IGFBP7: variants seen among roughly 807,000 people sequenced by gnomAD.
IGFBP7 encodes the protein insulin like growth factor binding protein 7.
In IGFBP7, 31 loss-of-function variants were observed where a neutral mutation model predicts 29.4. The observed-to-expected ratio is 1.05, with a 90% CI of 0.79 to 1.42. The LOEUF is 1.42. IGFBP7 is among the 40% of genes most tolerant of loss of function. The pLI is 0.00. For synonymous variants in IGFBP7, 172 were observed against 174.9 expected (o/e 0.98, Z 0.13); for missense variants, 393 against 395.5 (o/e 0.99, Z 0.05).
chr4:57,073,693 G>A (rs922502256), intron 1 of IGFBP7, among the ~76,000 whole-genome samples: 1 of 152,066 alleles, frequency 6.6e-6, no homozygotes, highest in South Asian at 2.1e-4. Context: ...GACTAGGAGG[G>A]GCCTCTTCAA....
intron 1 of IGFBP7, among the ~76,000 whole-genome samples, chr4:57,080,990 T>A (rs1458991975): frequency 6.6e-6 from 1 of 152,240 alleles, no homozygotes; most frequent in Non-Finnish European, 1.5e-5. Flanking sequence ...ATGTCTCCGG[T>A]GGGCTGAGGA....
intron 1 of IGFBP7, among the ~76,000 whole-genome samples, chr4:57,103,655 C>CTTTTTTT (rs1560510152): frequency 3.1e-5 from 2 of 63,706 alleles, no homozygotes; most frequent in Non-Finnish European, 5.8e-5. Flanking sequence ...TTTTTTTTTT[C>CTTTTTTT]TTTTCTTTTT....
chr4:57,073,606 A>T (rs909522488), intron 1 of IGFBP7, among the ~76,000 whole-genome samples: 1 of 137,652 alleles, frequency 7.3e-6, no homozygotes, highest in Non-Finnish European at 1.6e-5. Flanking sequence ...AAAAAAAAAA[A>T]TTAAATAAAT....
intron 1 of IGFBP7, among the ~76,000 whole-genome samples, chr4:57,076,700 A>G (rs558329440): frequency 6.6e-6 from 1 of 152,324 alleles, no homozygotes; most frequent in Non-Finnish European, 1.5e-5. Flanking sequence ...TGGGGTGGGG[A>G]CACACCTGTG....
At chr4:57,043,781 G>A (rs934653871) in intron 1 of IGFBP7, among the ~76,000 whole-genome samples, 4 of 152,182 alleles carry the variant, frequency 2.6e-5, no homozygotes, top group South Asian at 2.1e-4. Context: ...CAGTATTTAC[G>A]TTTCTGGCTC....
intron 1 of IGFBP7, among the ~76,000 whole-genome samples, chr4:57,060,158 A>G (rs1049661746): frequency 6.6e-6 from 1 of 152,206 alleles, no homozygotes; most frequent in Non-Finnish European, 1.5e-5. Flanking sequence ...TACGATAGAA[A>G]TACAAATATA....
At chr4:57,079,813 C>G (rs1725319836) in intron 1 of IGFBP7, among the ~76,000 whole-genome samples, 1 of 152,202 alleles carries the variant, frequency 6.6e-6, no homozygotes, top group African/African-American at 2.4e-5. Context: ...TTACTACTGT[C>G]CTTACCATTG....
chr4:57,073,236 A>G (rs377585592), intron 1 of IGFBP7: 3,528 of 16,658 alleles, frequency 0.21, 90 homozygotes, highest in East Asian at 0.52. Flanking sequence ...GAGCTGTGGT[A>G]TTATTATTAT....
At chr4:57,066,187 T>C (rs1393175265) in intron 1 of IGFBP7, among the ~76,000 whole-genome samples, 1 of 152,220 alleles carries the variant, frequency 6.6e-6, no homozygotes, top group Non-Finnish European at 1.5e-5. Flanking sequence ...CGCACTTGAA[T>C]AAAATACAGT....
In IGFBP7 at chr4:57,042,998, A is replaced by T. The variant is rs144481959; in HGVS notation, c.476-2065T>A. 1.4e-3 allele frequency among the ~76,000 whole-genome samples: 216 copies of T among 152,298 alleles called. 1 individual carries two copies. Among genetic ancestry groups the T allele is most frequent in the African/African-American group, 5.0e-3 (208 of 41,576 alleles). ...TTTCTGGTTTGGCTCTGAAACACAA[A>T]ACTGTGGAAGCCAACAGATACCGAG... is the stretch of plus-strand genomic sequence containing the variant. On this transcript the variant is annotated intron_variant, in intron 1 of 4. Coordinates refer to ENST00000295666, the MANE Select transcript of IGFBP7 (RefSeq NM_001553.3).
chr4:57,057,200 G>A (rs1724695032), intron 1 of IGFBP7, among the ~76,000 whole-genome samples: 1 of 152,142 alleles, frequency 6.6e-6, no homozygotes, highest in Admixed American at 6.5e-5. Context: ...TGTAGAGACA[G>A]GGTCTCCCTG....
chr4:57,031,545 T>A (rs1452708457), intron 4 of IGFBP7, among the ~76,000 whole-genome samples: 1 of 152,126 alleles, frequency 6.6e-6, no homozygotes, highest in Non-Finnish European at 1.5e-5. Context: ...TTTTGCTGTA[T>A]TGGTTGATGC....
Position 57,110,103 on chromosome 4 carries a change from C to T in IGFBP7, c.249G>A (p.Pro83=), listed in dbSNP as rs1199925214. The T allele has an allele frequency of 3.3e-6, 5 of 1,533,334 alleles. No homozygotes were observed. In the South Asian group the frequency reaches 3.6e-5, roughly 11 times the overall value. The allele number at this position is 1,533,334 out of a possible 1,614,324, so 95.0% of individuals were successfully genotyped here. ...GGGAGRGYCA[P]GMECVKSRKR... is the part of the protein sequence containing the mutation. The stretch of plus-strand genomic sequence containing the variant: ...TGCGGCTCTTCACGCACTCCATGCC[C>T]GGCGCGCAGTACCCCCTGCCGGCGC... The change falls in exon 1 of 5, where the codon CCG becomes CCA. Residue 83 remains proline, a synonymous_variant. Transcript: ENST00000295666.
rs552712312 is a variant in IGFBP7, at chr4:57,098,628, C to T, written c.475+11249G>A. ...AAGCCCTGGCCTGTCAAATATCTGG[C>T]AGCGTCTTGATCTCTGCCCCAGCCT... On this transcript the variant is annotated intron_variant, in intron 1 of 4. Coordinates refer to ENST00000295666, the MANE Select transcript of IGFBP7 (RefSeq NM_001553.3). 2.6e-5 allele frequency among the ~76,000 whole-genome samples: 4 copies of T among 152,350 alleles called. No individual in the cohort carries two copies. In the East Asian group the frequency reaches 7.7e-4, roughly 29 times the overall value.
intron 1 of IGFBP7, among the ~76,000 whole-genome samples, chr4:57,052,284 G>A (rs534694155): frequency 6.6e-6 from 1 of 152,292 alleles, no homozygotes; most frequent in East Asian, 1.9e-4. Flanking sequence ...AGCCTCAAAG[G>A]TTCCAGGAGG....
At chr4:57,075,095 T>C (rs1725188992) in intron 1 of IGFBP7, among the ~76,000 whole-genome samples, 2 of 152,236 alleles carry the variant, frequency 1.3e-5, no homozygotes, top group African/African-American at 4.8e-5. Context: ...AGGAATTTGA[T>C]AGTTTGCAAA....
At chr4:57,089,835 G>C (rs1220655430) in intron 1 of IGFBP7, among the ~76,000 whole-genome samples, 2 of 152,188 alleles carry the variant, frequency 1.3e-5, no homozygotes, top group Admixed American at 1.3e-4. Context: ...GATATAATGG[G>C]ACATGTGGCT....
intron 1 of IGFBP7, among the ~76,000 whole-genome samples, chr4:57,043,669 G>A (rs1179883234): frequency 1.3e-5 from 2 of 152,150 alleles, no homozygotes; most frequent in African/African-American, 4.8e-5. Flanking sequence ...TACATTTCAT[G>A]CTTCCTTCCC....
At chr4:57,041,414 T>A (rs1560491211) in intron 1 of IGFBP7, among the ~76,000 whole-genome samples, 1 of 152,166 alleles carries the variant, frequency 6.6e-6, no homozygotes, top group Non-Finnish European at 1.5e-5. Context: ...AAGATGGAAG[T>A]CTCTGCCTCA....
Sources: gnomAD v4.1 joint callset for allele counts (sites outside exome capture counted in the v4.1 genomes callset) on GRCh38, gnomAD v4.1.1 for gene constraint, MANE v1.5 for transcripts, NCBI Gene and HGNC (gene_info 2026-07-23, HGNC 2026-07-21) for gene names.